Variants in PAQR5 observed in about 807,000 individuals in gnomAD.
PAQR5 encodes progestin and adipoQ receptor family member 5, also known as membrane progestin receptor gamma.
In PAQR5, 20 loss-of-function variants were observed where a neutral mutation model predicts 34.5. That is an observed-to-expected ratio of 0.58 (90% confidence interval 0.41 to 0.84). PAQR5 has a LOEUF of 0.84. PAQR5 is among the 40% of genes least tolerant of loss of function. The probability of loss-of-function intolerance (pLI) is 0.00; values close to 1 mark genes in which losing one functional copy is unlikely to be tolerated. For missense variants in PAQR5, 378 were observed against 412.7 expected (o/e 0.92, Z 0.73); for synonymous variants, 131 against 155.6 (o/e 0.84, Z 1.18).
At chr15:69,307,985 C>T (rs924032111) in intron 1 of PAQR5, among the ~76,000 whole-genome samples, 1 of 152,158 alleles carries the variant, frequency 6.6e-6, no homozygotes, top group Non-Finnish European at 1.5e-5. Flanking sequence ...CCCACAGAAC[C>T]ACCTGGAGAT....
In PAQR5 at chr15:69,331,075, G is replaced by A. The variant is rs866465815; in HGVS notation, c.-276-6266G>A. 9.5e-4 allele frequency among the ~76,000 whole-genome samples: 144 copies of A among 152,288 alleles called. 1 individual carries two copies. The highest frequency in any genetic ancestry group is 3.4e-3 in the African/African-American group (142 of 41,572). ...CTAATTGCAATGGAGAAATAGTCCT[G>A]GGGCGACGTTCCTTAACTGTAGCCC... On this transcript the variant is annotated intron_variant, in intron 1 of 8. Coordinates refer to ENST00000395407, the MANE Select transcript of PAQR5 (RefSeq NM_017705.4).
Position 69,359,981 on chromosome 15 carries a change from C to A in PAQR5, c.-100C>A. 1 of 881,876 alleles carries A rather than the reference C, an allele frequency of 1.1e-6. No individual in the cohort carries two copies. The highest frequency in any genetic ancestry group is 1.9e-6 in the Non-Finnish European group (1 of 532,102). The allele number at this position is 881,876 out of a possible 1,614,324, so 54.6% of individuals were successfully genotyped here. On this transcript the variant is annotated 5_prime_UTR_variant, in exon 3 of 9. Coordinates refer to ENST00000395407, the MANE Select transcript of PAQR5 (RefSeq NM_017705.4). ...CCTCTTTCAGGGAAGCGGCACAGCA[C>A]CAGCTAGGCAGAGACGCCCCAGGCC...
intron 5 of PAQR5, among the ~76,000 whole-genome samples, chr15:69,388,807 A>G (rs2056180008): frequency 6.6e-6 from 1 of 152,188 alleles, no homozygotes; most frequent in Non-Finnish European, 1.5e-5. Flanking sequence ...CTAGGACTCC[A>G]CAATTCCTGA....
intron 7 of PAQR5, among the ~76,000 whole-genome samples, chr15:69,399,242 A>C (rs2056545720): frequency 1.3e-5 from 2 of 152,184 alleles, no homozygotes; most frequent in Non-Finnish European, 2.9e-5. Context: ...TTCCAGTGTG[A>C]ATCCACTAAA....
At chr15:69,377,278 G>C (rs1016618169) in intron 3 of PAQR5, among the ~76,000 whole-genome samples, 1 of 152,216 alleles carries the variant, frequency 6.6e-6, no homozygotes, top group Non-Finnish European at 1.5e-5. Flanking sequence ...CTGCTAGAAG[G>C]CTTTCCGAGT....
At chr15:69,304,183 T>A (rs1285780352) in intron 1 of PAQR5, among the ~76,000 whole-genome samples, 1 of 152,160 alleles carries the variant, frequency 6.6e-6, no homozygotes, top group Non-Finnish European at 1.5e-5. Context: ...CCAACCACCT[T>A]CGATGGGCTC....
intron 1 of PAQR5, among the ~76,000 whole-genome samples, chr15:69,336,693 C>G (rs1488522989): frequency 6.6e-6 from 1 of 152,100 alleles, no homozygotes; most frequent in African/African-American, 2.4e-5. Context: ...CTTAATAACT[C>G]TGGAGATTGT....
chr15:69,357,036 G>A (rs560916993), intron 2 of PAQR5, among the ~76,000 whole-genome samples: 2 of 152,058 alleles, frequency 1.3e-5, no homozygotes, highest in South Asian at 2.1e-4. Flanking sequence ...TTAAAAGTGC[G>A]TGGCATCTCC....
intron 6 of PAQR5, among the ~76,000 whole-genome samples, chr15:69,395,022 G>T (rs1269387895): frequency 6.6e-6 from 1 of 152,244 alleles, no homozygotes; most frequent in East Asian, 1.9e-4. Flanking sequence ...CATGCTTTGG[G>T]GGATGGCCTT....
At chr15:69,318,531 A>T (rs1209900839) in intron 1 of PAQR5, among the ~76,000 whole-genome samples, 1 of 152,062 alleles carries the variant, frequency 6.6e-6, no homozygotes, top group Non-Finnish European at 1.5e-5. Context: ...AGACCCCAGC[A>T]CTGAGCACGC....
intron 1 of PAQR5, among the ~76,000 whole-genome samples, chr15:69,334,188 G>A (rs902117219): frequency 2.6e-5 from 4 of 151,824 alleles, no homozygotes; most frequent in African/African-American, 4.8e-5. Context: ...CCACCACGCC[G>A]GGCTAATTTT....
At chr15:69,327,357 A>G (rs2140646068) in intron 1 of PAQR5, among the ~76,000 whole-genome samples, 2 of 151,958 alleles carry the variant, frequency 1.3e-5, no homozygotes, top group Middle Eastern at 6.8e-3. Context: ...CTTTCATCCT[A>G]GTGTGCCCCT....
chr15:69,384,239 G>GA (rs2056030081), intron 4 of PAQR5, among the ~76,000 whole-genome samples: 3 of 147,204 alleles, frequency 2.0e-5, no homozygotes, highest in Non-Finnish European at 3.0e-5. Context: ...GAGGGTGTGT[G>GA]GGCCTCTGTG....
At chr15:69,382,443 G>A (rs557697181) in intron 4 of PAQR5, among the ~76,000 whole-genome samples, 2 of 151,800 alleles carry the variant, frequency 1.3e-5, no homozygotes, top group Non-Finnish European at 2.9e-5. Context: ...TCAGGAGATC[G>A]AGACCATCCT....
At position 69,403,784 on chromosome 15, in the gene PAQR5, C is replaced by T. The variant is rs116293987; in HGVS notation, c.955C>T (p.Arg319Trp). 2.4e-4 allele frequency: 390 copies of T among 1,613,906 alleles called. 1 individual carries two copies. In the African/African-American group the frequency reaches 3.9e-3, roughly 16 times the overall value. The change falls in exon 9 of 9, where the codon CGG becomes TGG. Residue 319 changes from arginine to tryptophan, a missense_variant. By Grantham distance (101) the Arg-to-Trp change is moderately radical. Transcript: ENST00000395407. ...AATTTATTTCTCAGCTGCTCTGTATCGGATTCCCAAGCCAGAATTACATAA... is the reference window on the plus strand; with the variant it reads ...AATTTATTTCTCAGCTGCTCTGTATTGGATTCCCAAGCCAGAATTACATAA... Reference protein sequence around the residue: ...NIIYFSAALYRIPKPELHKKE... With the variant: ...NIIYFSAALYWIPKPELHKKE...
At chr15:69,338,263 A>G (rs1325745160) in intron 2 of PAQR5, among the ~76,000 whole-genome samples, 5 of 152,158 alleles carry the variant, frequency 3.3e-5, no homozygotes, top group East Asian at 1.9e-4. Flanking sequence ...AAAGAAAACT[A>G]TAGTATACTG....
At chr15:69,314,600 C>T (rs2053902971) in intron 1 of PAQR5, 1 of 152,240 alleles carries the variant, frequency 6.6e-6, no homozygotes, top group Admixed American at 6.5e-5. Flanking sequence ...CCTTAAAGGC[C>T]TGAAAAGAAC....
At chr15:69,320,248 G>C (rs886887754) in intron 1 of PAQR5, among the ~76,000 whole-genome samples, 6 of 152,270 alleles carry the variant, frequency 3.9e-5, no homozygotes, top group African/African-American at 1.4e-4. Flanking sequence ...CCTGGTGCTA[G>C]ATCTACAGGG....
rs917662552 is a variant in PAQR5 at position 69,404,087 on chromosome 15, T to C, written c.*265T>C. ...CTATTGATATTTCATTAATTTTAAA[T>C]TTACTTAAAATGTGGTTTTAAATTC... On this transcript the variant is annotated 3_prime_UTR_variant, in exon 9 of 9. Transcript: ENST00000395407. The C allele has an allele frequency of 2.3e-5, 9 of 385,622 alleles. No homozygotes were observed. Among genetic ancestry groups the C allele is most frequent in the Admixed American group, 2.2e-4 (5 of 23,202 alleles). 23.9% of individuals were successfully genotyped at this position (385,622 alleles called of 1,614,324 possible).
Sources: allele counts gnomAD v4.1 joint callset (sites outside exome capture counted in the v4.1 genomes callset), GRCh38; gene constraint gnomAD v4.1.1; transcripts MANE v1.5; gene names NCBI Gene and HGNC (gene_info 2026-07-23, HGNC 2026-07-21).